TET3: variants seen among roughly 807,000 people sequenced by gnomAD.
TET3 encodes the protein methylcytosine dioxygenase TET3.
A neutral mutation model predicts 141.4 loss-of-function variants in TET3; 19 were observed. The observed-to-expected ratio is 0.13, with a 90% CI of 0.09 to 0.20. The LOEUF is 0.20. Ranked by LOEUF, TET3 falls within the 10% of genes least tolerant of loss-of-function variation. TET3 has a pLI of 1.00. For synonymous variants in TET3, 1,043 were observed against 980.9 expected, an observed-to-expected ratio of 1.06 and a Z score of -1.18; for missense variants, 1,874 against 2,356.9, an observed-to-expected ratio of 0.80 and a Z score of 4.24.
chr2:74,110,716 A>G (rs1176606607), downstream of TET3, among the ~76,000 whole-genome samples: 12 of 151,870 alleles, frequency 7.9e-5, no homozygotes, highest in Admixed American at 7.2e-4. Flanking sequence ...AGCCTGCCCA[A>G]TTTCCCTCAC....
At chr2:74,053,168 C>T (rs1390496056) in intron 4 of TET3, among the ~76,000 whole-genome samples, 2 of 152,184 alleles carry the variant, frequency 1.3e-5, no homozygotes, top group Non-Finnish European at 2.9e-5. Context: ...GAATATTTAT[C>T]ACAAGTTGAA....
rs183710683 is a variant in TET3 at position 74,096,819 on chromosome 2, C to T, written c.3268-2457C>T. ...AAAGAAAAGCAGGTCAGGCTGGGCA[C>T]GGTGGCTCACACCTGTAATGCCAGC... On this transcript the variant is annotated intron_variant, in intron 10 of 11. Coordinates refer to ENST00000409262, the MANE Select transcript of TET3 (RefSeq NM_001287491.2). 3.5e-3 allele frequency among the ~76,000 whole-genome samples: 529 copies of T among 151,222 alleles called. 2 individuals are homozygous for T. The highest frequency in any genetic ancestry group is 0.012 in the African/African-American group (512 of 41,192).
At chr2:74,024,524 C>T (rs1479133731) in intron 3 of TET3, among the ~76,000 whole-genome samples, 1 of 152,000 alleles carries the variant, frequency 6.6e-6, no homozygotes, top group Non-Finnish European at 1.5e-5. Context: ...GGTGGTCATC[C>T]GGTACCCAGG....
chr2:74,048,801 T>C (rs928278850), intron 4 of TET3, among the ~76,000 whole-genome samples: 1 of 152,142 alleles, frequency 6.6e-6, no homozygotes, highest in South Asian at 2.1e-4. Context: ...ACTTGGACTA[T>C]TCTTGGTTCA....
At chr2:74,043,581 T>TA (rs1251849786) in intron 3 of TET3, among the ~76,000 whole-genome samples, 1 of 152,116 alleles carries the variant, frequency 6.6e-6, no homozygotes, top group African/African-American at 2.4e-5. Flanking sequence ...ACTGAGCTGA[T>TA]AAGCCAGGGA....
At position 74,075,600 on chromosome 2, in the gene TET3, A is replaced by G. The variant is rs1473022023; in HGVS notation, c.2585+1961A>G. Among the ~76,000 whole-genome samples the G allele has an allele frequency of 7.9e-5, 12 of 152,154 alleles. No homozygotes were observed. The East Asian group carries it at 1.5e-3, about 20-fold the overall frequency. ...CACGTTGGCCTCCCAAAGTGCTGGA[A>G]TTACAGGTGTGAGCCACCGTGCCTG... On this transcript the variant is annotated intron_variant, in intron 5 of 11. Transcript: ENST00000409262.
At chr2:74,117,214 T>A in the TET3 span, among the ~76,000 whole-genome samples, 1 of 152,102 alleles carries the variant, frequency 6.6e-6, no homozygotes, top group Non-Finnish European at 1.5e-5. Context: ...GTAGCTGGGA[T>A]TACAGGTATG....
At chr2:74,064,409 A>AT (rs765091741) in intron 4 of TET3, among the ~76,000 whole-genome samples, 21 of 151,938 alleles carry the variant, frequency 1.4e-4, no homozygotes, top group East Asian at 5.8e-4. Flanking sequence ...TTTCTTTTTT[A>AT]TTTTTTTTGA....
chr2:73,994,085 G>A (rs1009550869), intron 2 of TET3, among the ~76,000 whole-genome samples: 19 of 152,284 alleles, frequency 1.2e-4, no homozygotes, highest in African/African-American at 4.6e-4. Flanking sequence ...GTGAGTCCCA[G>A]TAAGACTCAA....
Position 74,047,270 on chromosome 2 carries a change from C to G in TET3, c.1353C>G (p.Pro451=). The G allele has an allele frequency of 1.2e-6, 2 of 1,614,028 alleles. No individual in the cohort carries two copies. The highest frequency in any genetic ancestry group is 2.7e-5 in the African/African-American group (2 of 75,056). ...TPPATPRSSW[P]MPRPSPDPMA... ...CAGCAACGCCCCGGAGCTCCTGGCC[C>G]ATGCCTCGCCCAAGCCCCGATCCCA... Residue 451 remains proline, a synonymous_variant, in exon 4 of 12, where the codon CCC becomes CCG. Coordinates refer to ENST00000409262, the MANE Select transcript of TET3 (RefSeq NM_001287491.2).
In TET3 at chr2:73,986,176, C is replaced by T. The variant is rs1684018067; in HGVS notation, c.-228C>T. 1.1e-5 allele frequency: 4 copies of T among 376,638 alleles called. No individual in the cohort carries two copies. Among genetic ancestry groups the T allele is most frequent in the Non-Finnish European group, 1.9e-5 (4 of 213,874 alleles). 23.3% of individuals were successfully genotyped at this position (376,638 alleles called of 1,614,324 possible). ...CTGGTGTCCTCCCCCAGATCCTGGG[C>T]CCCAGCAGGTGGGAGAGTGGCCCCC... On this transcript the variant is annotated 5_prime_UTR_variant, in exon 2 of 12. Transcript: ENST00000409262.
Position 73,986,688 on chromosome 2 carries a change from A to G in TET3, c.285A>G (p.Lys95=), listed in dbSNP as rs963507466. The G allele has an allele frequency of 2.6e-5, 32 of 1,231,916 alleles. No homozygotes were observed. Among genetic ancestry groups the G allele is most frequent in the Non-Finnish European group, 2.9e-5 (29 of 987,968 alleles). 76.3% of individuals were successfully genotyped at this position (1,231,916 alleles called of 1,614,324 possible). The change falls in exon 2 of 12, where the codon AAA becomes AAG. Residue 95 remains lysine, a synonymous_variant. Coordinates refer to ENST00000409262, the MANE Select transcript of TET3 (RefSeq NM_001287491.2). ...GAAAATGTGAGGTGCTGAAGAAAAA[A>G]GTAGGGCTTCTCAAGGAGGTAAGCC... The part of the protein sequence containing the change: ...KLRKCEVLKK[K]VGLLKEVEIK...
chr2:74,036,725 A>T (rs1687082081), intron 3 of TET3, among the ~76,000 whole-genome samples: 2 of 152,216 alleles, frequency 1.3e-5, no homozygotes, highest in South Asian at 4.1e-4. Flanking sequence ...GCCTGTCATA[A>T]GAGGGTTCCA....
Position 74,105,048 on chromosome 2 carries a change from C to G in TET3, c.*2872C>G. 2.5e-6 allele frequency: 1 copy of G among 397,786 alleles called. No individual in the cohort carries two copies. The highest frequency in any genetic ancestry group is 4.4e-6 in the Non-Finnish European group (1 of 226,044). 24.6% of individuals were successfully genotyped at this position (397,786 alleles called of 1,614,324 possible). On this transcript the variant is annotated 3_prime_UTR_variant, in exon 12 of 12. Transcript: ENST00000409262. ...AACTATGCACAGCTCTTTATCCCCC[C>G]CTTGCTGCTGAAGCTTTCTTAAAGA...
intron 3 of TET3, among the ~76,000 whole-genome samples, chr2:74,018,030 C>G (rs1685828306): frequency 7.2e-6 from 1 of 139,038 alleles, no homozygotes; most frequent in Non-Finnish European, 1.5e-5. Flanking sequence ...TGCAGTAGCA[C>G]AATCTCGGCT....
intron 3 of TET3, among the ~76,000 whole-genome samples, chr2:74,039,084 C>T (rs1558736110): frequency 6.6e-6 from 1 of 152,212 alleles, no homozygotes; most frequent in Non-Finnish European, 1.5e-5. Context: ...AGTCTGTCTT[C>T]TGCAAGATGC....
At chr2:73,988,990 G>GTT (rs1437398059) in intron 2 of TET3, among the ~76,000 whole-genome samples, 1,525 of 106,074 alleles carry the variant, frequency 0.014, 103 homozygotes, top group African/African-American at 0.051. Context: ...AAAAAAAAAA[G>GTT]TTTTTTTTGT....
chr2:74,030,579 T>G (rs1274009234), intron 3 of TET3, among the ~76,000 whole-genome samples: 2 of 152,236 alleles, frequency 1.3e-5, no homozygotes, highest in Non-Finnish European at 2.9e-5. Flanking sequence ...TGTTCATGTG[T>G]TCATTTATTT....
At chr2:74,078,496 A>T (rs1185021685) in intron 5 of TET3, among the ~76,000 whole-genome samples, 1 of 152,126 alleles carries the variant, frequency 6.6e-6, no homozygotes. Context: ...TTGATGGGAC[A>T]TGGTTTTTCA....
Sources: gnomAD v4.1 joint callset for allele counts (sites outside exome capture counted in the v4.1 genomes callset) on GRCh38, gnomAD v4.1.1 for gene constraint, MANE v1.5 for transcripts, NCBI Gene and HGNC (gene_info 2026-07-23, HGNC 2026-07-21) for gene names.